Variants in METTL25 observed in about 807,000 individuals in gnomAD.
METTL25 encodes the protein probable methyltransferase-like protein 25.
In METTL25, 64 loss-of-function variants were observed where a neutral mutation model predicts 71.6. The observed-to-expected ratio is 0.89, with a 90% CI of 0.73 to 1.10. The LOEUF is 1.10. Ranked by LOEUF, METTL25 falls within the 50% of genes least tolerant of loss-of-function variation. The pLI, the probability that METTL25 is intolerant of heterozygous loss-of-function variation, is 0.00. For missense variants in METTL25, 807 were observed against 707.0 expected (o/e 1.14, Z -1.60); for synonymous variants, 287 against 250.3 (o/e 1.15, Z -1.38).
chr12:82,396,994 TA>T (rs1036176508), intron 3 of METTL25, among the ~76,000 whole-genome samples: 6 of 152,094 alleles, frequency 3.9e-5, no homozygotes, highest in African/African-American at 1.2e-4. Context: ...TTTTTTTATT[TA>T]CCAGTTGATG....
At chr12:82,407,409 A>G (rs1261427676) in intron 5 of METTL25, among the ~76,000 whole-genome samples, 1 of 152,158 alleles carries the variant, frequency 6.6e-6, no homozygotes, top group Non-Finnish European at 1.5e-5. Context: ...GTTTGTGAGA[A>G]CTGTGACCAG....
intron 9 of METTL25, among the ~76,000 whole-genome samples, chr12:82,470,483 A>G (rs964220724): frequency 6.6e-6 from 1 of 152,192 alleles, no homozygotes; most frequent in African/African-American, 2.4e-5. Context: ...TGTTTCTACT[A>G]TGTTTGTGCC....
chr12:82,405,411 G>T (rs912124615), intron 5 of METTL25, among the ~76,000 whole-genome samples: 1 of 151,964 alleles, frequency 6.6e-6, no homozygotes, highest in African/African-American at 2.4e-5. Context: ...AATAGATTCA[G>T]ATTTAGGTGA....
intron 5 of METTL25, among the ~76,000 whole-genome samples, chr12:82,413,552 C>T (rs1003938986): frequency 6.6e-6 from 1 of 151,898 alleles, no homozygotes; most frequent in African/African-American, 2.4e-5. Context: ...GACCGACTAG[C>T]GTTCTCCTCT....
chr12:82,386,814 T>C lies in METTL25; in HGVS notation c.271T>C (p.Phe91Leu). 1 of 1,612,894 alleles carries C rather than the reference T, an allele frequency of 6.2e-7. No individual in the cohort carries two copies. Among genetic ancestry groups the C allele is most frequent in the Non-Finnish European group, 8.5e-7 (1 of 1,179,346 alleles). The change falls in exon 2 of 12, where the codon TTT (phenylalanine) becomes CTT (leucine). Residue 91 changes from phenylalanine (F) to leucine (L), a missense_variant. Phe to Leu is a conservative substitution (Grantham distance 22). Transcript: ENST00000248306. ...EAEWEAGMTD[F>L]PKIFCETSQK... The stretch of plus-strand genomic sequence containing the variant: ...CTTCACTTTTTTAGGTATGACTGAT[T>C]TTCCCAAAATATTTTGTGAAACTTC...
intron 1 of METTL25, among the ~76,000 whole-genome samples, chr12:82,382,814 C>T (rs1200647093): frequency 1.3e-5 from 2 of 151,972 alleles, no homozygotes; most frequent in African/African-American, 4.8e-5. Context: ...TTTGCAGGCT[C>T]AAGCAATCCT....
At chr12:82,377,412 G>A (rs1309555162) in intron 1 of METTL25, among the ~76,000 whole-genome samples, 1 of 152,142 alleles carries the variant, frequency 6.6e-6, no homozygotes, top group East Asian at 1.9e-4. Flanking sequence ...ATTCTGACCT[G>A]TATGTTTGGT....
At chr12:82,418,294 T>C (rs889846530) in intron 5 of METTL25, among the ~76,000 whole-genome samples, 43 of 152,082 alleles carry the variant, frequency 2.8e-4, no homozygotes, top group African/African-American at 1.0e-3. Context: ...CAGGTTGACT[T>C]TGTGTATGTT....
At chr12:82,445,344 T>A (rs764817564) in intron 8 of METTL25, among the ~76,000 whole-genome samples, 10 of 152,186 alleles carry the variant, frequency 6.6e-5, no homozygotes, top group Non-Finnish European at 1.5e-4. Context: ...TATGTGGCAC[T>A]ATTCACAGTC....
intron 1 of METTL25, among the ~76,000 whole-genome samples, chr12:82,361,513 G>T (rs111387079): frequency 1.3e-5 from 2 of 152,158 alleles, no homozygotes; most frequent in African/African-American, 4.8e-5. Context: ...CCCACGGTGG[G>T]GGGGAGGGGG....
At position 82,422,120 on chromosome 12, in the gene METTL25, G is replaced by C. The variant is rs571419125; in HGVS notation, c.1280-8773G>C. The stretch of plus-strand genomic sequence containing the variant: ...AAAATAGAATTTTAGACCAATATCC[G>C]TGATGAACATCAATGCAAAAATCCT... On this transcript the variant is annotated intron_variant, in intron 5 of 11. Transcript: ENST00000248306. Among the ~76,000 whole-genome samples the C allele has an allele frequency of 3.3e-5, 5 of 152,164 alleles. No individual in the cohort carries two copies. In the South Asian group the frequency reaches 8.3e-4, roughly 25 times the overall value.
At chr12:82,478,785 G>T in intron 11 of METTL25, 147 bp from the exon 12 acceptor site, 1 of 609,534 alleles carries the variant, frequency 1.6e-6, no homozygotes, top group Non-Finnish European at 2.8e-6. Context: ...AATTGTGAAT[G>T]TTAATTTTGT....
intron 5 of METTL25, among the ~76,000 whole-genome samples, chr12:82,410,726 T>C (rs539524836): frequency 3.5e-4 from 54 of 152,158 alleles, no homozygotes; most frequent in African/African-American, 1.3e-3. Flanking sequence ...AGGAGGAAAC[T>C]ATGAGCCATA....
rs1192604759 is a variant in METTL25 at position 82,399,353 on chromosome 12, ACTG to A, written c.1094_1096del (p.Ala365del). 1.2e-6 allele frequency: 2 copies of A among 1,600,798 alleles called. No homozygotes were observed. Among genetic ancestry groups the A allele is most frequent in the Non-Finnish European group, 1.7e-6 (2 of 1,175,434 alleles). ...ATATTCACCTTTAACCTCTTTTATCACTGCTGATTCAGAACTCCATGACATTAT... is the reference window on the plus strand; with the variant it reads ...ATATTCACCTTTAACCTCTTTTATCACTGATTCAGAACTCCATGACATTAT... On this transcript the variant is annotated inframe_deletion, in exon 4 of 12. Coordinates refer to ENST00000248306, the MANE Select transcript of METTL25 (RefSeq NM_032230.3).
At chr12:82,396,160 G>C (rs141283631) in intron 3 of METTL25, among the ~76,000 whole-genome samples, 1 of 151,968 alleles carries the variant, frequency 6.6e-6, no homozygotes, top group Admixed American at 6.6e-5. Context: ...ATACCATCTA[G>C]GTTTCCATAA....
intron 8 of METTL25, among the ~76,000 whole-genome samples, chr12:82,440,296 T>A (rs1890221373): frequency 6.6e-6 from 1 of 151,992 alleles, no homozygotes; most frequent in Admixed American, 6.6e-5. Context: ...CTCCCATCTC[T>A]TTTTCAGAAG....
chr12:82,464,603 G>GT (rs1892109851), intron 9 of METTL25, among the ~76,000 whole-genome samples: 1 of 151,674 alleles, frequency 6.6e-6, no homozygotes, highest in South Asian at 2.1e-4. Context: ...TGGATCTTTT[G>GT]TAACTCCATA....
intron 9 of METTL25, among the ~76,000 whole-genome samples, chr12:82,471,293 C>G (rs1215475008): frequency 8.5e-5 from 13 of 152,238 alleles, no homozygotes; most frequent in Admixed American, 8.5e-4. Context: ...CAGGGCCCCA[C>G]TAGATGGGGC....
At chr12:82,459,342 C>G (rs914699824) in intron 9 of METTL25, among the ~76,000 whole-genome samples, 2 of 152,110 alleles carry the variant, frequency 1.3e-5, no homozygotes, top group Non-Finnish European at 2.9e-5. Flanking sequence ...AATACTGTCA[C>G]GGTAGCCAGC....
Sources: allele counts gnomAD v4.1 joint callset (sites outside exome capture counted in the v4.1 genomes callset), GRCh38; gene constraint gnomAD v4.1.1; transcripts MANE v1.5; gene names NCBI Gene and HGNC (gene_info 2026-07-23, HGNC 2026-07-21).